The following SNX4 variants were observed in gnomAD, a reference collection of about 807,000 sequenced individuals.
SNX4 encodes the protein sorting nexin-4.
SNX4 carries 49 observed loss-of-function variants against 70.8 expected under a neutral mutation model. The observed-to-expected ratio is 0.69, with a 90% CI of 0.55 to 0.88. SNX4 has a LOEUF of 0.88. Ranked by LOEUF, SNX4 falls within the 40% of genes least tolerant of loss-of-function variation. SNX4 has a pLI of 0.00. For synonymous variants in SNX4, 206 were observed against 183.8 expected, an observed-to-expected ratio of 1.12 and a Z score of -0.98; for missense variants, 528 against 544.8, an observed-to-expected ratio of 0.97 and a Z score of 0.31.
At chr3:125,516,204 T>C (rs891424692) in intron 1 of SNX4, among the ~76,000 whole-genome samples, 1 of 152,194 alleles carries the variant, frequency 6.6e-6, no homozygotes, top group African/African-American at 2.4e-5. Context: ...TAAATGGTTT[T>C]TCTCTGGCAA....
chr3:125,451,188 G>A, intron 13 of SNX4, 117 bp downstream of exon 13: 4 of 495,024 alleles, frequency 8.1e-6, no homozygotes, highest in South Asian at 4.7e-5. Flanking sequence ...AGAGAAATTG[G>A]TAAACATTCT....
In SNX4 at chr3:125,496,510, C is replaced by G. The variant is rs192526847; in HGVS notation, c.597+831G>C. 1.7e-4 allele frequency among the ~76,000 whole-genome samples: 26 copies of G among 152,022 alleles called. No homozygotes were observed. In the East Asian group the frequency reaches 4.4e-3, roughly 26 times the overall value. On this transcript the variant is annotated intron_variant, in intron 5 of 13. Coordinates refer to ENST00000251775, the MANE Select transcript of SNX4 (RefSeq NM_003794.4). ...GACATATTATATTGAACTTTTGGTA[C>G]TGTATTATCATGTGAGTCATTGAAC...
At chr3:125,474,709 T>C (rs1934252792) in intron 8 of SNX4, among the ~76,000 whole-genome samples, 1 of 152,230 alleles carries the variant, frequency 6.6e-6, no homozygotes, top group Non-Finnish European at 1.5e-5. Flanking sequence ...GTGGCATTAA[T>C]GCAAATAATT....
intron 6 of SNX4, among the ~76,000 whole-genome samples, chr3:125,482,887 G>C (rs552066036): frequency 2.0e-5 from 3 of 152,176 alleles, no homozygotes; most frequent in Admixed American, 2.0e-4. Flanking sequence ...CAATTAAGTA[G>C]AGTACAAATC....
At chr3:125,454,277 G>A (rs950819130) in intron 11 of SNX4, among the ~76,000 whole-genome samples, 1 of 152,192 alleles carries the variant, frequency 6.6e-6, no homozygotes, top group Non-Finnish European at 1.5e-5. Flanking sequence ...TGCATAGCAG[G>A]AGGCAAGCGA....
intron 2 of SNX4, among the ~76,000 whole-genome samples, chr3:125,499,786 C>T (rs913917408): frequency 1.4e-4 from 20 of 145,954 alleles, no homozygotes; most frequent in Non-Finnish European, 2.2e-4. Context: ...AAAAAAAACG[C>T]GGTTGGATGC....
At chr3:125,495,271 T>TACAC (rs1184827114) in intron 5 of SNX4, among the ~76,000 whole-genome samples, 1 of 72,568 alleles carries the variant, frequency 1.4e-5, no homozygotes, top group African/African-American at 4.0e-5. Context: ...TATATATATA[T>TACAC]ATATATACAC....
chr3:125,470,969 G>A (rs1045901885), intron 8 of SNX4, among the ~76,000 whole-genome samples: 2 of 152,176 alleles, frequency 1.3e-5, no homozygotes, highest in Admixed American at 1.3e-4. Context: ...AGACAGAGCT[G>A]AGCCTAGAAC....
chr3:125,474,810 C>T (rs985430401), intron 8 of SNX4, among the ~76,000 whole-genome samples: 4 of 150,868 alleles, frequency 2.7e-5, no homozygotes, highest in Non-Finnish European at 5.9e-5. Context: ...AATAAATGTG[C>T]TACCTTTGAG....
intron 5 of SNX4, among the ~76,000 whole-genome samples, chr3:125,495,669 CCA>C (rs1161399217): frequency 6.6e-6 from 1 of 152,010 alleles, no homozygotes; most frequent in African/African-American, 2.4e-5. Flanking sequence ...TGGAGAAACT[CCA>C]GAGTTTTCTC....
intron 10 of SNX4, among the ~76,000 whole-genome samples, chr3:125,459,505 C>T (rs1307290899): frequency 2.0e-5 from 3 of 152,070 alleles, no homozygotes; most frequent in South Asian, 4.2e-4. Flanking sequence ...GGTGCGATCT[C>T]GGCTCACTGC....
intron 1 of SNX4, among the ~76,000 whole-genome samples, chr3:125,510,414 A>G (rs62270175): frequency 0.088 from 13,389 of 151,686 alleles, 728 homozygotes; most frequent in Admixed American, 0.16. Context: ...TATTTTTAGT[A>G]CAGACAGGGT....
intron 7 of SNX4, 126 bp downstream of exon 7, chr3:125,480,121 C>T (rs772859286): frequency 4.5e-5 from 22 of 492,276 alleles, no homozygotes; most frequent in Non-Finnish European, 7.5e-5. Flanking sequence ...GGATGATGAA[C>T]ATATAAATTC....
intron 9 of SNX4, 34 bp downstream of exon 9, chr3:125,469,420 C>A (rs1442443120): frequency 6.7e-7 from 1 of 1,489,490 alleles, no homozygotes. Context: ...CAGGACTTCA[C>A]CTCAGGCTTC....
chr3:125,518,305 C>G (rs528810585), intron 1 of SNX4, among the ~76,000 whole-genome samples: 112 of 151,700 alleles, frequency 7.4e-4, no homozygotes, highest in Middle Eastern at 3.4e-3. Context: ...CAAAAAAAAC[C>G]CCAAAACTTA....
chr3:125,482,314 C>G (rs1934430061), intron 6 of SNX4, among the ~76,000 whole-genome samples: 1 of 152,198 alleles, frequency 6.6e-6, no homozygotes, highest in Non-Finnish European at 1.5e-5. Context: ...TCCACTACTC[C>G]TCAAATCTTT....
Position 125,460,855 on chromosome 3 carries a change from G to T in SNX4, c.860C>A (p.Ala287Glu). The change falls in exon 10 of 14, where the codon GCA (alanine) becomes GAA (glutamate). Residue 287 changes from alanine (A) to glutamate (E), a missense_variant. Physicochemically the swap from Ala to Glu is moderately radical, Grantham distance 107. Coordinates refer to ENST00000251775, the MANE Select transcript of SNX4 (RefSeq NM_003794.4). Reference protein sequence around the residue: ...QSAGHHMDVYASSIDDILEDE... With the variant: ...QSAGHHMDVYESSIDDILEDE... ...TTCCAAAATATCATCAATAGAAGAT[G>T]CATACCTGTTTTAAAAAAAAAAACA... 6.9e-7 allele frequency: 1 copy of T among 1,454,112 alleles called. No homozygotes were observed. The highest frequency in any genetic ancestry group is 9.4e-7 in the Non-Finnish European group (1 of 1,065,052). 90.1% of individuals were successfully genotyped at this position (1,454,112 alleles called of 1,614,324 possible). A position where few individuals can be genotyped will look rare whatever the true frequency, so the allele number is the denominator to read the frequency against.
chr3:125,498,866 T>C (rs977895505), intron 2 of SNX4, among the ~76,000 whole-genome samples: 2 of 152,212 alleles, frequency 1.3e-5, no homozygotes, highest in African/African-American at 2.4e-5. Context: ...GTTTAGCTAG[T>C]GTTTCATTAA....
In SNX4 at chr3:125,520,082, C is replaced by T; in HGVS notation, c.91G>A (p.Val31Ile). Reference protein sequence around the residue: ...GSPDAGLGAAVGKEAEGAGEE... With the variant: ...GSPDAGLGAAIGKEAEGAGEE... Reference sequence around the variant, plus strand: ...CCGGCCCCCTCCGCTTCCTTGCCGACCGCAGCCCCCAGCCCAGCGTCTGGG... The same window carrying T: ...CCGGCCCCCTCCGCTTCCTTGCCGATCGCAGCCCCCAGCCCAGCGTCTGGG... The change falls in exon 1 of 14, where the codon GTC (valine) becomes ATC (isoleucine). Residue 31 changes from valine to isoleucine, a missense_variant. Val to Ile is a conservative substitution (Grantham distance 29, BLOSUM62 3). This residue lies in a region of SNX4 where 341 missense variants were observed against 312.2 expected (regional missense o/e 1.09). Transcript: ENST00000251775. The T allele has an allele frequency of 6.5e-7, 1 of 1,544,214 alleles. No homozygotes were observed. Among genetic ancestry groups the T allele is most frequent in the Admixed American group, 1.9e-5 (1 of 51,988 alleles).
Sources: allele counts gnomAD v4.1 joint callset (sites outside exome capture counted in the v4.1 genomes callset), GRCh38; gene constraint gnomAD v4.1.1; regional missense constraint gnomAD v4.1.1; transcripts MANE v1.5; gene names NCBI Gene and HGNC (gene_info 2026-07-23, HGNC 2026-07-21).